IMPG2: variants seen among roughly 807,000 people sequenced by gnomAD.
The protein encoded by IMPG2 is interphotoreceptor matrix proteoglycan 2, also known as IPM 200.
Under a neutral mutation model 129.2 loss-of-function variants are expected in IMPG2, and 91 were observed. The observed-to-expected ratio is 0.70, with a 90% confidence interval of 0.59 to 0.84. The LOEUF (loss-of-function observed/expected upper bound fraction) is 0.84, where lower values mean the gene tolerates loss of function less well. Among genes scored for constraint, IMPG2 ranks in the 40% least tolerant of loss-of-function variants. The probability of loss-of-function intolerance (pLI) is 0.00; values close to 1 mark genes in which losing one functional copy is unlikely to be tolerated. For synonymous variants in IMPG2, 510 were observed against 517.7 expected (o/e 0.99, Z 0.20); for missense variants, 1,430 against 1,461.7 (o/e 0.98, Z 0.35).
intron 9 of IMPG2, among the ~76,000 whole-genome samples, chr3:101,258,042 T>C (rs975504780): frequency 6.6e-6 from 1 of 152,096 alleles, no homozygotes; most frequent in African/African-American, 2.4e-5. Context: ...CTTCTTCCCC[T>C]ATGTTCTCAC....
intron 4 of IMPG2, among the ~76,000 whole-genome samples, chr3:101,290,845 G>A (rs185751804): frequency 6.6e-6 from 1 of 152,076 alleles, no homozygotes; most frequent in Non-Finnish European, 1.5e-5. Flanking sequence ...GACCTGGATT[G>A]CATGCTCTAG....
chr3:101,291,688 T>C (rs1576765567), intron 3 of IMPG2, among the ~76,000 whole-genome samples, 178 bp from the exon 4 acceptor site: 1 of 152,344 alleles, frequency 6.6e-6, no homozygotes, highest in African/African-American at 2.4e-5. Flanking sequence ...TTTGTGACTA[T>C]AGCAACACCC....
rs779631971 is a variant in IMPG2, at chr3:101,270,244, T to C, written c.829-671A>G. ...GTAATAGCATTTTTAAATGATATTG[T>C]TTGGATTTGGAATCTGGCCACAGCA... On this transcript the variant is annotated intron_variant, in intron 7 of 18. Transcript: ENST00000193391. Among the ~76,000 whole-genome samples, 15 of 152,190 alleles carry C rather than the reference T, an allele frequency of 9.9e-5. No individual in the cohort carries two copies. The South Asian group carries it at 3.1e-3, about 32-fold the overall frequency.
rs886057665 is a variant in IMPG2 at position 101,222,909 on chromosome 3, G to T, written c.*4060C>A. On this transcript the variant is annotated 3_prime_UTR_variant, in exon 19 of 19. Coordinates refer to ENST00000193391, the MANE Select transcript of IMPG2 (RefSeq NM_016247.4). ...ATATATAATCTTAATCTTTAAAGAA[G>T]TAATTAAACATGAGAATAAAAACAC... The T allele has an allele frequency of 6.6e-6, 1 of 152,116 alleles. No individual in the cohort carries two copies. The highest frequency in any genetic ancestry group is 1.5e-5 in the Non-Finnish European group (1 of 68,020). 9.4% of individuals were successfully genotyped at this position (152,116 alleles called of 1,614,324 possible).
intron 2 of IMPG2, among the ~76,000 whole-genome samples, chr3:101,319,239 C>T (rs1057416780): frequency 2.6e-5 from 4 of 152,076 alleles, no homozygotes; most frequent in African/African-American, 9.7e-5. Flanking sequence ...TAATGAAAGA[C>T]ATCTTATTGT....
intron 14 of IMPG2, among the ~76,000 whole-genome samples, chr3:101,235,153 C>T (rs1026241685): frequency 6.6e-6 from 1 of 152,200 alleles, no homozygotes; most frequent in Non-Finnish European, 1.5e-5. Flanking sequence ...TTCAGCCACC[C>T]ATGTGGACAA....
At position 101,245,913 on chromosome 3, in the gene IMPG2, C is replaced by T. The variant is rs1364870789; in HGVS notation, c.1432G>A (p.Val478Ile). The change falls in exon 12 of 19, where the codon GTT becomes ATT. Residue 478 changes from valine (V) to isoleucine (I), a missense_variant. Coordinates refer to ENST00000193391, the MANE Select transcript of IMPG2 (RefSeq NM_016247.4). ...SKMGLSSSPE[V>I]LEVSSLTLHS... Reference sequence around the variant, plus strand: ...AGAGTCAAGCTGCTAACCTCTAAAACCTCTGGGGAAGAGCTGAGGCCCATC... The same window carrying T: ...AGAGTCAAGCTGCTAACCTCTAAAATCTCTGGGGAAGAGCTGAGGCCCATC... 1.2e-6 allele frequency: 2 copies of T among 1,614,056 alleles called. No homozygotes were observed. Among genetic ancestry groups the T allele is most frequent in the African/African-American group, 2.7e-5 (2 of 74,936 alleles).
At chr3:101,238,473 G>A (rs920693171) in intron 14 of IMPG2, among the ~76,000 whole-genome samples, 6 of 152,178 alleles carry the variant, frequency 3.9e-5, no homozygotes, top group Non-Finnish European at 5.9e-5. Context: ...CAGAGAGAAA[G>A]GTCGGGTTAC....
At chr3:101,252,604 T>C (rs556076549) in intron 11 of IMPG2, among the ~76,000 whole-genome samples, 25 of 152,210 alleles carry the variant, frequency 1.6e-4, no homozygotes, top group Admixed American at 1.1e-3. Context: ...ACAAACATAT[T>C]TGAATGAATG....
Position 101,232,233 on chromosome 3 carries a change from T to TA in IMPG2, c.3233+547dup, listed in dbSNP as rs11402144. Reference sequence around the variant, plus strand: ...CTCAGTAGGATTTTTATTTTTTTTTTATTTATTTTTTATTTTTTTTTGAGA... The same window carrying TA: ...CTCAGTAGGATTTTTATTTTTTTTTTAATTTATTTTTTATTTTTTTTTGAGA... On this transcript the variant is annotated intron_variant, in intron 15 of 18. Transcript: ENST00000193391. 6.4e-3 allele frequency among the ~76,000 whole-genome samples: 963 copies of TA among 150,924 alleles called. 16 individuals are homozygous for TA. The highest frequency in any genetic ancestry group is 0.023 in the African/African-American group (924 of 41,066).
Position 101,304,003 on chromosome 3 carries a change from C to T in IMPG2, c.501+143G>A, listed in dbSNP as rs960213637. The T allele has an allele frequency of 2.6e-5, 21 of 799,284 alleles. No individual in the cohort carries two copies. In the African/African-American group the frequency reaches 3.4e-4, roughly 13 times the overall value. The allele number at this position is 799,284 out of a possible 1,614,324, so 49.5% of individuals were successfully genotyped here. On this transcript the variant is annotated intron_variant, in intron 3 of 18. Coordinates refer to ENST00000193391, the MANE Select transcript of IMPG2 (RefSeq NM_016247.4). ...GCTAGGAATAAAAGACTAGGCCACA[C>T]CCTAGGGCAGCTTACTCAGATAGCC...
intron 4 of IMPG2, among the ~76,000 whole-genome samples, chr3:101,279,879 C>T (rs1347436885): frequency 6.6e-6 from 1 of 152,146 alleles, no homozygotes; most frequent in Non-Finnish European, 1.5e-5. Context: ...CTCTTAATCC[C>T]TCAACCACCC....
At chr3:101,238,402 C>T (rs1387026632) in intron 14 of IMPG2, among the ~76,000 whole-genome samples, 1 of 151,950 alleles carries the variant, frequency 6.6e-6, no homozygotes, top group African/African-American at 2.4e-5. Flanking sequence ...AGAGTAATCC[C>T]AAGACACATA....
At chr3:101,313,563 A>G (rs901873629) in intron 2 of IMPG2, among the ~76,000 whole-genome samples, 1 of 152,148 alleles carries the variant, frequency 6.6e-6, no homozygotes, top group Non-Finnish European at 1.5e-5. Flanking sequence ...GAAAAATGTT[A>G]TAATATTCTG....
At position 101,222,839 on chromosome 3, in the gene IMPG2, T is replaced by C. The variant is rs1018234318; in HGVS notation, c.*4130A>G. ...AGTATCATCACATAGTCCTGATATA[T>C]GAAAAATTATACCTGTATTCTCTGA... On this transcript the variant is annotated 3_prime_UTR_variant, in exon 19 of 19. Transcript: ENST00000193391. 1.3e-5 allele frequency: 2 copies of C among 152,200 alleles called. No individual in the cohort carries two copies. Among genetic ancestry groups the C allele is most frequent in the African/African-American group, 4.8e-5 (2 of 41,446 alleles). 9.4% of individuals were successfully genotyped at this position (152,200 alleles called of 1,614,324 possible).
chr3:101,226,257 A>ATATATATATATATATT lies in IMPG2; in HGVS notation c.*711_*712insAATATATATATATATA. ...TATATATATATATATATATATATAT[A>ATATATATATATATATT]TATATATATATATATATATATATGC... On this transcript the variant is annotated 3_prime_UTR_variant, in exon 19 of 19. Transcript: ENST00000193391. 1 of 29,542 alleles carries ATATATATATATATATT rather than the reference A, an allele frequency of 3.4e-5. No individual in the cohort carries two copies. The highest frequency in any genetic ancestry group is 9.4e-5 in the African/African-American group (1 of 10,692). The allele number at this position is 29,542 out of a possible 1,614,324, so 1.8% of individuals were successfully genotyped here.
Position 101,229,507 on chromosome 3 carries a change from C to A in IMPG2, c.3506G>T (p.Gly1169Val). ...ATAGGGTCCCTCATACTTCTCACATCCAGCCCTGTGACTTTCATACACGGG... is the reference window on the plus strand; with the variant it reads ...ATAGGGTCCCTCATACTTCTCACATACAGCCCTGTGACTTTCATACACGGG... ...YNPVYESHRA[G>V]CEKYEGPYPQ... Residue 1169 changes from glycine to valine, a missense_variant, in exon 17 of 19, where the codon GGA becomes GTA. Gly to Val is a moderately radical substitution (Grantham distance 109). Transcript: ENST00000193391. 1 of 1,613,830 alleles carries A rather than the reference C, an allele frequency of 6.2e-7. No homozygotes were observed. Among genetic ancestry groups the A allele is most frequent in the Non-Finnish European group, 8.5e-7 (1 of 1,180,006 alleles).
At position 101,232,964 on chromosome 3, in the gene IMPG2, T is replaced by C. The variant is rs192216457; in HGVS notation, c.3050A>G (p.Gln1017Arg). Residue 1017 changes from glutamine (Q) to arginine (R), a missense_variant, in exon 15 of 19, where the codon CAG becomes CGG. Transcript: ENST00000193391. ...ACACTCTGAAAATTCATTACAGGCC[T>C]GAAACTTGCAAGGGTTGGCTTCATC... is the stretch of plus-strand genomic sequence containing the variant. ...SGDEANPCKF[Q>R]ACNEFSECLV... 1 of 1,614,008 alleles carries C rather than the reference T, an allele frequency of 6.2e-7. No individual in the cohort carries two copies.
intron 9 of IMPG2, among the ~76,000 whole-genome samples, chr3:101,261,048 G>A (rs1172207844): frequency 6.6e-6 from 1 of 152,110 alleles, no homozygotes; most frequent in Non-Finnish European, 1.5e-5. Flanking sequence ...TAACCCTAAA[G>A]AACGTTCGTA....
Sources: allele counts gnomAD v4.1 joint callset (sites outside exome capture counted in the v4.1 genomes callset), GRCh38; gene constraint gnomAD v4.1.1; transcripts MANE v1.5; gene names NCBI Gene and HGNC (gene_info 2026-07-23, HGNC 2026-07-21).